The following ZNF415 variants were observed in gnomAD, a reference collection of about 807,000 sequenced individuals.
The protein encoded by ZNF415 is zinc finger protein 415.
In ZNF415, 5 loss-of-function variants were observed where a neutral mutation model predicts 7.3. That is an observed-to-expected ratio of 0.69 (90% CI 0.36 to 1.44). The LOEUF (loss-of-function observed/expected upper bound fraction) is 1.44, where lower values mean the gene tolerates loss of function less well. Among genes scored for constraint, ZNF415 ranks in the 40% most tolerant of loss-of-function variants. ZNF415 has a pLI of 0.04. For missense variants in ZNF415, 628 were observed against 664.8 expected, an observed-to-expected ratio of 0.94 and a Z score of 0.61; for synonymous variants, 207 against 226.3, an observed-to-expected ratio of 0.91 and a Z score of 0.77.
intron 3 of ZNF415, 95 bp from the exon 4 acceptor site, chr19:53,110,003 A>ATAACTCTGTTG: frequency 2.0e-6 from 2 of 1,005,518 alleles, no homozygotes; most frequent in Non-Finnish European, 2.8e-6. Context: ...AGCAACATTT[A>ATAACTCTGTTG]TATACAACAG....
intron 2 of ZNF415, chr19:53,122,390 C>T: frequency 6.5e-7 from 1 of 1,536,404 alleles, no homozygotes; most frequent in Non-Finnish European, 8.7e-7. Flanking sequence ...GCACTGACAC[C>T]ACGGGACCCT....
chr19:53,122,389 C>A (rs1385800643), intron 2 of ZNF415: 1 of 1,536,364 alleles, frequency 6.5e-7, no homozygotes, highest in South Asian at 1.2e-5. Context: ...AGCACTGACA[C>A]CACGGGACCC....
chr19:53,108,879 C>G lies in ZNF415; in HGVS notation c.1166G>C (p.Cys389Ser). ...TGEKPYKCNE[C>S]GKVFSQTSSL... ...TGAAGTCTGACTGAAGACTTTACCA[C>G]ATTCATTACACTTGTATGGTTTCTC... Residue 389 changes from cysteine to serine, a missense_variant, in exon 4 of 4, where the codon TGT (cysteine) becomes TCT (serine). Coordinates refer to ENST00000243643, the MANE Select transcript of ZNF415 (RefSeq NM_018355.4). 1.9e-6 allele frequency: 3 copies of G among 1,614,130 alleles called. No homozygotes were observed. Among genetic ancestry groups the G allele is most frequent in the Non-Finnish European group, 2.5e-6 (3 of 1,179,980 alleles).
intron 3 of ZNF415, among the ~76,000 whole-genome samples, chr19:53,111,707 A>G (rs770273697): frequency 3.9e-5 from 6 of 152,182 alleles, no homozygotes; most frequent in Non-Finnish European, 8.8e-5. Flanking sequence ...TCTCATCACA[A>G]TCATCACAGA....
intron 3 of ZNF415, chr19:53,115,906 GA>G: frequency 1.0e-6 from 1 of 995,302 alleles, no homozygotes; most frequent in Non-Finnish European, 1.5e-6. Context: ...GATAAGAAGA[GA>G]GGCTATCACA....
intron 1 of ZNF415, among the ~76,000 whole-genome samples, chr19:53,132,277 G>A (rs2090177804): frequency 6.6e-6 from 1 of 152,172 alleles, no homozygotes; most frequent in Admixed American, 6.5e-5. Context: ...TTTGGGGTAA[G>A]ACGCCTGCAT....
At chr19:53,116,128 G>T in intron 3 of ZNF415, 185 bp downstream of exon 3, 1 of 697,760 alleles carries the variant, frequency 1.4e-6, no homozygotes, top group Admixed American at 2.9e-5. Flanking sequence ...GTATCATGAA[G>T]GGGTCAGAAA....
intron 3 of ZNF415, among the ~76,000 whole-genome samples, chr19:53,114,876 G>A (rs1007323901): frequency 4.6e-5 from 7 of 152,124 alleles, no homozygotes; most frequent in Non-Finnish European, 8.8e-5. Flanking sequence ...GCAGCTCCCC[G>A]GGGCCTCAGA....
chr19:53,128,833 G>A lies in ZNF415; in HGVS notation c.-68+4023C>T, dbSNP rs1490367257. Among the ~76,000 whole-genome samples the A allele has an allele frequency of 1.8e-5, 2 of 108,112 alleles. 1 individual carries two copies. The highest frequency in any genetic ancestry group is 4.3e-5 in the Non-Finnish European group (2 of 46,500). The allele number at this position is 108,112 out of a possible 152,430, so 70.9% of individuals were successfully genotyped here. Reference sequence around the variant, plus strand: ...TTTGGTCTTCCCTGAGGAGTCTTCAGCCCAACCCCAGCCCCAGCATCTGAA... The same window carrying A: ...TTTGGTCTTCCCTGAGGAGTCTTCAACCCAACCCCAGCCCCAGCATCTGAA... On this transcript the variant is annotated intron_variant, in intron 1 of 3. Coordinates refer to ENST00000243643, the MANE Select transcript of ZNF415 (RefSeq NM_018355.4).
chr19:53,114,973 C>A (rs1359651801), intron 3 of ZNF415, among the ~76,000 whole-genome samples: 2 of 152,096 alleles, frequency 1.3e-5, no homozygotes, highest in South Asian at 2.1e-4. Flanking sequence ...TAGCTCCAGG[C>A]ATCAGGACTG....
intron 3 of ZNF415, among the ~76,000 whole-genome samples, chr19:53,113,782 C>T (rs2146295761): frequency 6.6e-6 from 1 of 152,312 alleles, no homozygotes; most frequent in Middle Eastern, 3.4e-3. Context: ...TGAACAATGT[C>T]ATCGCTAGGA....
chr19:53,130,247 A>C (rs1455608765), intron 1 of ZNF415, among the ~76,000 whole-genome samples: 1 of 152,204 alleles, frequency 6.6e-6, no homozygotes, highest in Non-Finnish European at 1.5e-5. Flanking sequence ...CTAGGTTTCC[A>C]TGTTAAGGTA....
chr19:53,108,855 G>T lies in ZNF415; in HGVS notation c.1190C>A (p.Ser397Ter), dbSNP rs1333781245. Residue 397 changes from serine (S) to a stop codon, truncating the protein, a stop_gained, in exon 4 of 4, where the codon TCA becomes TAA. Transcript: ENST00000243643. LOFTEE classifies it low-confidence loss of function (END_TRUNC). ...AATTCTCCAATGCCTTGCAAGGCTTGAAGTCTGACTGAAGACTTTACCACA... is the reference window on the plus strand; with the variant it reads ...AATTCTCCAATGCCTTGCAAGGCTTTAAGTCTGACTGAAGACTTTACCACA... The part of the protein sequence containing the change: ...NECGKVFSQT[S>*]SLARHWRIHT... 6.2e-7 allele frequency: 1 copy of T among 1,614,098 alleles called. No homozygotes were observed. The highest frequency in any genetic ancestry group is 1.7e-5 in the Admixed American group (1 of 60,026).
chr19:53,113,091 A>AG (rs2086470239), intron 3 of ZNF415, among the ~76,000 whole-genome samples: 2 of 151,578 alleles, frequency 1.3e-5, no homozygotes, highest in Admixed American at 1.3e-4. Flanking sequence ...CATCTTAAAA[A>AG]AAAAAAAAGT....
intron 2 of ZNF415, among the ~76,000 whole-genome samples, chr19:53,121,069 G>C (rs890106400): frequency 2.0e-5 from 2 of 99,392 alleles, no homozygotes; most frequent in African/African-American, 4.1e-5. Context: ...GGGTGACAGA[G>C]GAAGACTCAA....
rs557076828 is a variant in ZNF415, at chr19:53,116,383, G to C, written c.66C>G (p.Cys22Trp). 5.0e-6 allele frequency: 8 copies of C among 1,613,842 alleles called. No homozygotes were observed. The South Asian group carries it at 8.8e-5, about 18-fold the overall frequency. Residue 22 changes from cysteine to tryptophan, a missense_variant, in exon 3 of 4, where the codon TGC (cysteine) becomes TGG (tryptophan). Transcript: ENST00000243643. Reference sequence around the variant, plus strand: ...ATAAAGTCCTCTGTGTAGAGTTCAGGCATTTCCACTCATCTTGAGAGAATT... The same window carrying C: ...ATAAAGTCCTCTGTGTAGAGTTCAGCCATTTCCACTCATCTTGAGAGAATT... Reference protein sequence around the residue: ...AIEFSQDEWKCLNSTQRTLYR... With the variant: ...AIEFSQDEWKWLNSTQRTLYR...
rs759912291 is a variant in ZNF415, at chr19:53,108,814, G to A, written c.1231C>T (p.Pro411Ser). 2.5e-6 allele frequency: 4 copies of A among 1,613,956 alleles called. No homozygotes were observed. The highest frequency in any genetic ancestry group is 2.2e-5 in the East Asian group (1 of 44,890). Reference sequence around the variant, plus strand: ...TTACCACATTCATTGCATTTGTAAGGTTTCTCTCCAGTATGAATTCTCCAA... The same window carrying A: ...TTACCACATTCATTGCATTTGTAAGATTTCTCTCCAGTATGAATTCTCCAA... The part of the protein sequence containing the change: ...RHWRIHTGEK[P>S]YKCNECGKVF... The change falls in exon 4 of 4, where the codon CCT becomes TCT. Residue 411 changes from proline (P) to serine (S), a missense_variant. Coordinates refer to ENST00000243643, the MANE Select transcript of ZNF415 (RefSeq NM_018355.4).
intron 1 of ZNF415, among the ~76,000 whole-genome samples, chr19:53,126,111 C>A (rs114764480): frequency 6.6e-6 from 1 of 150,914 alleles, no homozygotes; most frequent in East Asian, 2.0e-4. Flanking sequence ...CCCTCTGGTA[C>A]GGTGTTCACT....
At position 53,109,075 on chromosome 19, in the gene ZNF415, C is replaced by G. The variant is rs1488947663; in HGVS notation, c.970G>C (p.Gly324Arg). ...CLALHQKTHI[G>R]EKPYTCKECG... Reference sequence around the variant, plus strand: ...TCTTTACATGTGTAAGGTTTCTCTCCAATATGAGTTTTCTGATGTAGTGCA... The same window carrying G: ...TCTTTACATGTGTAAGGTTTCTCTCGAATATGAGTTTTCTGATGTAGTGCA... Residue 324 changes from glycine to arginine, a missense_variant, in exon 4 of 4, where the codon GGA becomes CGA. Coordinates refer to ENST00000243643, the MANE Select transcript of ZNF415 (RefSeq NM_018355.4). 1 of 1,612,434 alleles carries G rather than the reference C, an allele frequency of 6.2e-7. No individual in the cohort carries two copies. The highest frequency in any genetic ancestry group is 8.5e-7 in the Non-Finnish European group (1 of 1,178,650).
Sources: allele counts gnomAD v4.1 joint callset (sites outside exome capture counted in the v4.1 genomes callset), GRCh38; gene constraint gnomAD v4.1.1; transcripts MANE v1.5; gene names NCBI Gene and HGNC (gene_info 2026-07-23, HGNC 2026-07-21).